DLGAP1: variants seen among roughly 807,000 people sequenced by gnomAD.
DLGAP1 encodes disks large-associated protein 1.
DLGAP1 carries 11 observed loss-of-function variants against 90.8 expected under a neutral mutation model. That is an observed-to-expected ratio of 0.12 (90% CI 0.08 to 0.20). The LOEUF is 0.20. Among genes scored for constraint, DLGAP1 ranks in the 10% least tolerant of loss-of-function variants. The pLI is 1.00. For synonymous variants in DLGAP1, 558 were observed against 540.7 expected, an observed-to-expected ratio of 1.03 and a Z score of -0.44; for missense variants, 1,050 against 1,333.8, an observed-to-expected ratio of 0.79 and a Z score of 3.31.
At chr18:4,438,354 C>A (rs576923142) in intron 1 of DLGAP1, among the ~76,000 whole-genome samples, 2 of 148,578 alleles carry the variant, frequency 1.3e-5, no homozygotes, top group South Asian at 4.3e-4. Context: ...ATGGTGTGAA[C>A]CCGGGAGGTG....
intron 1 of DLGAP1, among the ~76,000 whole-genome samples, chr18:4,279,864 T>C (rs1268824953): frequency 3.3e-5 from 5 of 152,216 alleles, no homozygotes; most frequent in South Asian, 2.1e-4. Flanking sequence ...ATTTTATTGA[T>C]GTTATTTCAT....
intron 5 of DLGAP1, among the ~76,000 whole-genome samples, chr18:3,800,905 T>G (rs997575223): frequency 6.6e-6 from 1 of 152,124 alleles, no homozygotes; most frequent in Admixed American, 6.6e-5. Flanking sequence ...AAAGAAATAC[T>G]TGAAGCTGGG....
At chr18:3,925,014 G>T (rs558412101) in intron 3 of DLGAP1, among the ~76,000 whole-genome samples, 1 of 152,006 alleles carries the variant, frequency 6.6e-6, no homozygotes, top group African/African-American at 2.4e-5. Flanking sequence ...GTGCAGTGGC[G>T]TGATCTTGGC....
chr18:4,415,066 T>A (rs2082864678), intron 1 of DLGAP1, among the ~76,000 whole-genome samples: 1 of 151,944 alleles, frequency 6.6e-6, no homozygotes. Flanking sequence ...CACATATATA[T>A]ATATATAATG....
chr18:4,078,547 T>G (rs2075558039), intron 2 of DLGAP1, among the ~76,000 whole-genome samples: 1 of 152,306 alleles, frequency 6.6e-6, no homozygotes, highest in Admixed American at 6.5e-5. Context: ...CACTAGACAC[T>G]TCACACATCA....
chr18:4,285,997 CCA>C (rs2079680520), intron 1 of DLGAP1, among the ~76,000 whole-genome samples: 1 of 152,092 alleles, frequency 6.6e-6, no homozygotes, highest in South Asian at 2.1e-4. Context: ...TAAAATTACC[CCA>C]CTCAGAGAGA....
intron 5 of DLGAP1, among the ~76,000 whole-genome samples, chr18:3,773,855 T>C (rs541243281): frequency 6.6e-6 from 1 of 152,336 alleles, no homozygotes; most frequent in East Asian, 1.9e-4. Flanking sequence ...CCAGGTAGCC[T>C]GACAGTCAGA....
chr18:4,249,439 T>C (rs2078729654), intron 1 of DLGAP1, among the ~76,000 whole-genome samples: 1 of 118,248 alleles, frequency 8.5e-6, no homozygotes, highest in South Asian at 3.1e-4. Flanking sequence ...CATGGTTGAA[T>C]GTTCTGGCAA....
chr18:4,147,743 T>G (rs1165468296), intron 2 of DLGAP1, among the ~76,000 whole-genome samples: 3 of 152,200 alleles, frequency 2.0e-5, no homozygotes, highest in African/African-American at 7.2e-5. Context: ...AGATGGTAAC[T>G]GACCAGAAGA....
At chr18:3,986,414 C>A (rs1249844517) in intron 3 of DLGAP1, 1 of 147,968 alleles carries the variant, frequency 6.8e-6, no homozygotes, top group Non-Finnish European at 1.5e-5. Context: ...TTTGATTTAA[C>A]TTTTTTTTTT....
chr18:4,190,405 G>C (rs1198393872), intron 1 of DLGAP1, among the ~76,000 whole-genome samples: 2 of 152,160 alleles, frequency 1.3e-5, no homozygotes, highest in African/African-American at 4.8e-5. Flanking sequence ...GAAAACTTTA[G>C]AGCATTGAAA....
intron 7 of DLGAP1, among the ~76,000 whole-genome samples, chr18:3,630,939 C>T (rs916402968): frequency 1.3e-5 from 2 of 152,032 alleles, no homozygotes; most frequent in African/African-American, 2.4e-5. Flanking sequence ...AGTGAATTGA[C>T]ACCTTTCTAA....
intron 7 of DLGAP1, among the ~76,000 whole-genome samples, chr18:3,706,894 A>G (rs1363813488): frequency 2.6e-5 from 4 of 152,228 alleles, no homozygotes; most frequent in Admixed American, 6.5e-5. Context: ...GAGGTATTCA[A>G]AAGAATACCA....
chr18:3,546,983 A>G (rs600173), intron 9 of DLGAP1, among the ~76,000 whole-genome samples: 80,240 of 151,896 alleles, frequency 0.53, 25,974 homozygotes, highest in Non-Finnish European at 0.69. Context: ...AGATAAAAAA[A>G]AAAAAAAGGA....
intron 1 of DLGAP1, among the ~76,000 whole-genome samples, chr18:4,310,600 G>A (rs905262617): frequency 6.6e-6 from 1 of 152,096 alleles, no homozygotes; most frequent in Admixed American, 6.5e-5. Context: ...TAGTGTACAG[G>A]TTTACATACA....
chr18:3,819,843 T>C lies in DLGAP1; in HGVS notation c.958-5570A>G, dbSNP rs117959257. ...ATTTTTTGATAAACTACAAAGCACA[T>C]ATTTTAGATAAGAAAATAATATCAT... On this transcript the variant is annotated intron_variant, in intron 4 of 12. Coordinates refer to ENST00000315677, the MANE Select transcript of DLGAP1 (RefSeq NM_004746.4). Among the ~76,000 whole-genome samples the C allele has an allele frequency of 5.9e-3, 901 of 152,354 alleles. 6 individuals are homozygous for C. The highest frequency in any genetic ancestry group is 8.0e-3 in the Non-Finnish European group (546 of 68,036).
At position 3,874,002 on chromosome 18, in the gene DLGAP1, T is replaced by C; in HGVS notation, c.957+5110A>G. ...TGCTTTTTTACTATCTGTGCACACATTAATTTGTCAGCTCTTCCAGTCTTT... is the reference window on the plus strand; with the variant it reads ...TGCTTTTTTACTATCTGTGCACACACTAATTTGTCAGCTCTTCCAGTCTTT... On this transcript the variant is annotated intron_variant, in intron 4 of 12. Coordinates refer to ENST00000315677, the MANE Select transcript of DLGAP1 (RefSeq NM_004746.4). 2.1e-6 allele frequency: 3 copies of C among 1,409,132 alleles called. 1 individual carries two copies. 87.3% of individuals were successfully genotyped at this position (1,409,132 alleles called of 1,614,324 possible). A position where few individuals can be genotyped will look rare whatever the true frequency, so the allele number is the denominator to read the frequency against.
intron 5 of DLGAP1, among the ~76,000 whole-genome samples, chr18:3,749,135 CCTT>C (rs1302676773): frequency 3.8e-4 from 57 of 148,994 alleles, no homozygotes; most frequent in East Asian, 7.8e-4. Context: ...TCCTCCTCCT[CCTT>C]CTTCTTCTTC....
intron 2 of DLGAP1, among the ~76,000 whole-genome samples, chr18:4,070,969 A>T (rs1334290381): frequency 6.6e-6 from 1 of 152,150 alleles, no homozygotes; most frequent in Non-Finnish European, 1.5e-5. Context: ...TCTTAAGGCA[A>T]CCTTTATTTT....
Sources: allele counts gnomAD v4.1 joint callset (sites outside exome capture counted in the v4.1 genomes callset), GRCh38; gene constraint gnomAD v4.1.1; transcripts MANE v1.5; gene names NCBI Gene and HGNC (gene_info 2026-07-23, HGNC 2026-07-21).